ZBBX: variants seen among roughly 807,000 people sequenced by gnomAD.
The protein encoded by ZBBX is zinc finger B-box domain containing, also known as zinc finger B-box domain-containing protein 1.
In ZBBX, 101 loss-of-function variants were observed where a neutral mutation model predicts 108.5. The ratio of observed to expected loss-of-function variants is 0.93; its 90% confidence interval spans 0.79 to 1.10. ZBBX has a LOEUF of 1.10. Ranked by LOEUF, ZBBX falls within the 50% of genes least tolerant of loss-of-function variation. ZBBX has a pLI of 0.00. For missense variants in ZBBX, 1,009 were observed against 941.4 expected (o/e 1.07, Z -0.94); for synonymous variants, 356 against 323.4 (o/e 1.10, Z -1.08).
At chr3:167,347,874 T>C (rs576537283) in intron 9 of ZBBX, among the ~76,000 whole-genome samples, 2 of 151,984 alleles carry the variant, frequency 1.3e-5, no homozygotes, top group Admixed American at 1.3e-4. Context: ...GGAAGAGACA[T>C]AGTTCTTTAT....
intron 2 of ZBBX, among the ~76,000 whole-genome samples, chr3:167,375,817 T>C (rs1445904374): frequency 6.6e-6 from 1 of 152,178 alleles, no homozygotes; most frequent in Non-Finnish European, 1.5e-5. Flanking sequence ...TCTCTAAATA[T>C]AATTGCAAAA....
intron 20 of ZBBX, among the ~76,000 whole-genome samples, chr3:167,264,288 C>T (rs1031627879): frequency 1.3e-5 from 2 of 152,090 alleles, no homozygotes; most frequent in African/African-American, 4.8e-5. Flanking sequence ...TCTGTCTTTC[C>T]TTCCTTCCTC....
chr3:167,392,459 G>A (rs1183220362), intron 1 of ZBBX, among the ~76,000 whole-genome samples: 1 of 151,758 alleles, frequency 6.6e-6, no homozygotes, highest in Non-Finnish European at 1.5e-5. Flanking sequence ...TTGCTGAGTA[G>A]TATGGTAAGT....
At chr3:167,389,010 T>C (rs1300522035) in intron 1 of ZBBX, among the ~76,000 whole-genome samples, 1 of 152,108 alleles carries the variant, frequency 6.6e-6, no homozygotes, top group East Asian at 1.9e-4. Context: ...GTGCAGAACA[T>C]GCAGGTTTGT....
chr3:167,398,481 A>C (rs1289691478), intron 1 of ZBBX, among the ~76,000 whole-genome samples: 1 of 152,100 alleles, frequency 6.6e-6, no homozygotes, highest in Non-Finnish European at 1.5e-5. Context: ...GAACTTTAGA[A>C]TTATAGGCCT....
chr3:167,194,775 G>A, the ZBBX span, among the ~76,000 whole-genome samples: 1 of 152,150 alleles, frequency 6.6e-6, no homozygotes, highest in South Asian at 2.1e-4. Context: ...CTTACCTTAG[G>A]TAGAAAGAAT....
chr3:167,365,804 A>G, intron 6 of ZBBX, 82 bp downstream of exon 6: 2 of 863,462 alleles, frequency 2.3e-6, no homozygotes, highest in Non-Finnish European at 3.5e-6. Flanking sequence ...TATATTCCTG[A>G]GTATAGAAGA....
intron 16 of ZBBX, among the ~76,000 whole-genome samples, chr3:167,310,313 C>T (rs992959861): frequency 6.6e-6 from 1 of 152,184 alleles, no homozygotes; most frequent in African/African-American, 2.4e-5. Flanking sequence ...TTTTCTTCTT[C>T]TGAGCCCTCC....
At chr3:167,386,912 C>T (rs1747938406) in intron 1 of ZBBX, among the ~76,000 whole-genome samples, 1 of 151,976 alleles carries the variant, frequency 6.6e-6, no homozygotes, top group Admixed American at 6.6e-5. Flanking sequence ...CAGTAATTTT[C>T]TTTCATCAAC....
chr3:167,306,081 T>C (rs1176273134), intron 16 of ZBBX, 131 bp from the exon 17 acceptor site: 1 of 644,156 alleles, frequency 1.6e-6, no homozygotes, highest in East Asian at 3.1e-5. Context: ...CCTTTACTGA[T>C]GTTTTAGTGT....
In ZBBX at chr3:167,397,142, TAAAAAAA is replaced by T. The variant is rs61671930; in HGVS notation, c.-446+10577_-446+10583del. Among the ~76,000 whole-genome samples, 45 of 72,412 alleles carry T rather than the reference TAAAAAAA, an allele frequency of 6.2e-4. 1 individual carries two copies. In the South Asian group the frequency reaches 0.011, roughly 18 times the overall value. 47.5% of individuals were successfully genotyped at this position (72,412 alleles called of 152,430 possible). On this transcript the variant is annotated intron_variant, in intron 1 of 21. Coordinates refer to the ZBBX transcript ENST00000455345. ...GTCGTGAAGAAGAGGTTCTTGGTGG[TAAAAAAA>T]AAAAAAAAAAAAAAAAATCTGACTC...
chr3:167,186,120 A>T, the ZBBX span, among the ~76,000 whole-genome samples: 2 of 151,964 alleles, frequency 1.3e-5, no homozygotes, highest in South Asian at 2.1e-4. Context: ...ATTATATCTT[A>T]TACTTACTGG....
chr3:167,291,783 C>A (rs1235167072), intron 18 of ZBBX, among the ~76,000 whole-genome samples: 1 of 152,076 alleles, frequency 6.6e-6, no homozygotes, highest in Non-Finnish European at 1.5e-5. Context: ...GATTCAAGAC[C>A]CATCAGTGTG....
intron 20 of ZBBX, among the ~76,000 whole-genome samples, chr3:167,251,925 A>AACACACACACACACACACACACACACAC (rs3221849): frequency 2.1e-5 from 3 of 143,724 alleles, no homozygotes; most frequent in African/African-American, 7.9e-5. Context: ...TTGTGCCTGC[A>AACACACACACACACACACACACACACAC]ACACACACAC....
At chr3:167,216,269 T>G in the ZBBX span, among the ~76,000 whole-genome samples, 3 of 152,190 alleles carry the variant, frequency 2.0e-5, no homozygotes, top group Non-Finnish European at 4.4e-5. Context: ...GATAAACAAC[T>G]TCAGCTAAGT....
chr3:167,295,918 C>T (rs1199783821), intron 18 of ZBBX, among the ~76,000 whole-genome samples: 5 of 150,898 alleles, frequency 3.3e-5, no homozygotes, highest in African/African-American at 7.3e-5. Flanking sequence ...GACATCAACT[C>T]GTTGATACTA....
At chr3:167,257,418 T>C (rs1465837789) in intron 20 of ZBBX, among the ~76,000 whole-genome samples, 1 of 152,150 alleles carries the variant, frequency 6.6e-6, no homozygotes, top group African/African-American at 2.4e-5. Context: ...CTTTTTTAAT[T>C]GCTCTAAAAC....
chr3:167,321,963 G>T (rs1402586121), intron 12 of ZBBX, among the ~76,000 whole-genome samples, 154 bp downstream of exon 12: 1 of 151,758 alleles, frequency 6.6e-6, no homozygotes, highest in African/African-American at 2.4e-5. Context: ...ATTCTTATTG[G>T]AACAGCAACT....
At chr3:167,225,308 T>C in the ZBBX span, among the ~76,000 whole-genome samples, 1 of 151,924 alleles carries the variant, frequency 6.6e-6, no homozygotes, top group Non-Finnish European at 1.5e-5. Context: ...TGCTATGTAT[T>C]GAGCACTTTG....
Sources: allele counts gnomAD v4.1 joint callset (sites outside exome capture counted in the v4.1 genomes callset), GRCh38; gene constraint gnomAD v4.1.1; transcripts MANE v1.5; gene names NCBI Gene and HGNC (gene_info 2026-07-23, HGNC 2026-07-21).